The following WDR27 variants were observed in gnomAD, a reference collection of about 807,000 sequenced individuals.
The protein encoded by WDR27 is WD repeat-containing protein 27.
In WDR27, 100 loss-of-function variants were observed where a neutral mutation model predicts 114.4. The ratio of observed to expected loss-of-function variants is 0.87; its 90% confidence interval spans 0.74 to 1.03. WDR27 has a LOEUF of 1.03. WDR27 is among the 50% of genes least tolerant of loss of function. The pLI is 0.00. For missense variants in WDR27, 1,129 were observed against 1,092.9 expected, an observed-to-expected ratio of 1.03 and a Z score of -0.47; for synonymous variants, 449 against 423.1, an observed-to-expected ratio of 1.06 and a Z score of -0.75.
rs548978996 is a variant in WDR27, at chr6:169,684,866, C to T, written c.189+3951G>A. Among the ~76,000 whole-genome samples the T allele has an allele frequency of 1.3e-5, 2 of 152,326 alleles. No individual in the cohort carries two copies. Among genetic ancestry groups the T allele is most frequent in the Non-Finnish European group, 1.5e-5 (1 of 68,032 alleles). ...CCCACGCTGGCCAAGCAACCATGTG[C>T]CCATGCTCCTGGCCACAATAACATC... On this transcript the variant is annotated intron_variant, in intron 2 of 25. Coordinates refer to ENST00000448612, the MANE Select transcript of WDR27 (RefSeq NM_182552.5). This position sits in a 1 kb window ranked among gnomAD's most constrained non-coding sequence, Gnocchi z 4.3.
chr6:169,654,540 GC>G, intron 13 of WDR27, among the ~76,000 whole-genome samples: 1 of 152,348 alleles, frequency 6.6e-6, no homozygotes, highest in Admixed American at 6.5e-5. Flanking sequence ...GTCACTGGTT[GC>G]CAGACGGCTC....
At chr6:169,607,494 A>G (rs760656978) in intron 22 of WDR27, among the ~76,000 whole-genome samples, 1 of 152,098 alleles carries the variant, frequency 6.6e-6, no homozygotes, top group Non-Finnish European at 1.5e-5. Flanking sequence ...ATGGAAGTAG[A>G]GGGCATTATC....
At chr6:169,438,075 A>C in the WDR27 span, among the ~76,000 whole-genome samples, 3 of 152,062 alleles carry the variant, frequency 2.0e-5, no homozygotes, top group African/African-American at 7.2e-5. Flanking sequence ...AGTAGTCTGC[A>C]GTGTCCATTG....
rs2128282825 is a variant in WDR27 at position 169,665,268 on chromosome 6, C to T, written c.783+218G>A. ...CAGAACCACGCATGGAGCTCTGGGACATGCAGACCCAGCTCCTCCGCAGAC... is the reference window on the plus strand; with the variant it reads ...CAGAACCACGCATGGAGCTCTGGGATATGCAGACCCAGCTCCTCCGCAGAC... On this transcript the variant is annotated intron_variant, in intron 7 of 25. Transcript: ENST00000448612. 2 of 1,327,746 alleles carry T rather than the reference C, an allele frequency of 1.5e-6. 1 individual carries two copies. The highest frequency in any genetic ancestry group is 4.0e-5 in the South Asian group (2 of 49,988). The allele number at this position is 1,327,746 out of a possible 1,614,324, so 82.2% of individuals were successfully genotyped here.
chr6:169,664,481 G>A, intron 7 of WDR27, 195 bp from the exon 8 acceptor site: 2 of 1,432,442 alleles, frequency 1.4e-6, no homozygotes, highest in South Asian at 1.5e-5. Flanking sequence ...CACGGTGTCA[G>A]AGCACTTTCA....
In WDR27 at chr6:169,529,506, T is replaced by TA. The variant is rs142352255; in HGVS notation, c.2645+42912dup. On this transcript the variant is annotated intron_variant, in intron 25 of 25. Coordinates refer to ENST00000448612, the MANE Select transcript of WDR27 (RefSeq NM_182552.5). ...ATACTATTTTTCTGTATCTGCATCT[T>TA]ACATTTCCCATAAAATAAATGCATA... Among the ~76,000 whole-genome samples the TA allele has an allele frequency of 1.3e-3, 204 of 152,364 alleles. 4 individuals are homozygous for TA. The East Asian group carries it at 0.032, about 24-fold the overall frequency.
chr6:169,659,232 G>T lies in WDR27; in HGVS notation c.1198-25C>A. 5.1e-6 allele frequency: 8 copies of T among 1,573,636 alleles called. No homozygotes were observed. The highest frequency in any genetic ancestry group is 6.9e-6 in the Non-Finnish European group (8 of 1,159,992). ...CCTGCAGGGACGCGGTTTCAACATC[G>T]TTAGCGACACCACCCAGTAAAAGCA... is the stretch of plus-strand genomic sequence containing the variant. On this transcript the variant is annotated intron_variant, in intron 11 of 25. Coordinates refer to ENST00000448612, the MANE Select transcript of WDR27 (RefSeq NM_182552.5). This position sits in a 1 kb window ranked among gnomAD's most constrained non-coding sequence, Gnocchi z 4.3.
At chr6:169,629,944 A>C (rs1309907364) in intron 21 of WDR27, among the ~76,000 whole-genome samples, 1 of 151,780 alleles carries the variant, frequency 6.6e-6, no homozygotes, top group African/African-American at 2.4e-5. Context: ...AAAAAAAAAA[A>C]AAAAAGTAAA....
chr6:169,523,188 A>G (rs1794595714), intron 25 of WDR27, among the ~76,000 whole-genome samples: 1 of 152,130 alleles, frequency 6.6e-6, no homozygotes, highest in Non-Finnish European at 1.5e-5. Context: ...TGAAAAATCT[A>G]GAAGAAACGG....
intron 25 of WDR27, among the ~76,000 whole-genome samples, chr6:169,571,283 T>C (rs1422760138): frequency 1.3e-5 from 2 of 151,968 alleles, no homozygotes; most frequent in African/African-American, 4.8e-5. Flanking sequence ...AATAAAAAGA[T>C]GACTCAATGA....
intron 25 of WDR27, among the ~76,000 whole-genome samples, chr6:169,502,705 T>TG (rs1212649144): frequency 6.6e-6 from 1 of 152,168 alleles, no homozygotes; most frequent in East Asian, 1.9e-4. Flanking sequence ...GTGATCGCAC[T>TG]GGGGCCCTGG....
intron 25 of WDR27, among the ~76,000 whole-genome samples, chr6:169,483,393 A>G (rs192805082): frequency 5.3e-5 from 8 of 152,346 alleles, no homozygotes; most frequent in Middle Eastern, 3.4e-3. Flanking sequence ...GAATACCTCT[A>G]TGCATACGAA....
At chr6:169,431,743 C>A in the WDR27 span, among the ~76,000 whole-genome samples, 1 of 152,126 alleles carries the variant, frequency 6.6e-6, no homozygotes. Flanking sequence ...TAAATACTTG[C>A]CAAGATAGTA....
chr6:169,594,213 G>A (rs1422436411), intron 23 of WDR27, among the ~76,000 whole-genome samples: 1 of 152,152 alleles, frequency 6.6e-6, no homozygotes, highest in Non-Finnish European at 1.5e-5. Flanking sequence ...CTTAACAGAT[G>A]GAATTTTAAT....
At chr6:169,645,645 GA>G (rs1251033222) in intron 16 of WDR27, among the ~76,000 whole-genome samples, 14 of 152,030 alleles carry the variant, frequency 9.2e-5, no homozygotes, top group Non-Finnish European at 8.8e-5. Flanking sequence ...TCACACTGTA[GA>G]AAAGCCTAGT....
At chr6:169,565,483 T>C (rs1424852546) in intron 25 of WDR27, among the ~76,000 whole-genome samples, 1 of 152,188 alleles carries the variant, frequency 6.6e-6, no homozygotes, top group East Asian at 1.9e-4. Flanking sequence ...CCACCAGGTA[T>C]TGGAAATCTG....
Position 169,634,458 on chromosome 6 carries a change from T to C in WDR27, c.2071A>G (p.Ser691Gly). 1 of 1,613,246 alleles carries C rather than the reference T, an allele frequency of 6.2e-7. No homozygotes were observed. Residue 691 changes from serine (S) to glycine (G), a missense_variant, in exon 20 of 26, where the codon AGT becomes GGT. Ser to Gly is a moderately conservative substitution (Grantham distance 56). Coordinates refer to ENST00000448612, the MANE Select transcript of WDR27 (RefSeq NM_182552.5). ...LSTTGAVDMTSLSAVNDFYSH... is the reference protein window; with the variant it reads ...LSTTGAVDMTGLSAVNDFYSH... ...TAAAAGTCGTTGACTGCCGATAAAC[T>C]GGTCATGTCTACTGCACCCGTCGTG...
intron 25 of WDR27, among the ~76,000 whole-genome samples, chr6:169,523,454 C>T (rs1794621238): frequency 1.3e-5 from 2 of 152,166 alleles, no homozygotes; most frequent in East Asian, 1.9e-4. Context: ...GCCAGCATTA[C>T]TCTGATATCA....
intron 25 of WDR27, among the ~76,000 whole-genome samples, chr6:169,537,517 A>C (rs1796323337): frequency 6.6e-6 from 1 of 152,200 alleles, no homozygotes; most frequent in African/African-American, 2.4e-5. Flanking sequence ...GCTTGGTGTA[A>C]AATAGAAATG....
Sources: gnomAD v4.1 joint callset for allele counts (sites outside exome capture counted in the v4.1 genomes callset) on GRCh38, gnomAD v4.1.1 for gene constraint, Gnocchi (gnomAD v3.1) non-coding constraint, MANE v1.5 for transcripts, NCBI Gene and HGNC (gene_info 2026-07-23, HGNC 2026-07-21) for gene names.